DHX36: variants seen among roughly 807,000 people sequenced by gnomAD.
DHX36 encodes ATP-dependent DNA/RNA helicase DHX36.
A neutral mutation model predicts 139.0 loss-of-function variants in DHX36; 50 were observed. That is an observed-to-expected ratio of 0.36 (90% CI 0.29 to 0.46). DHX36 has a LOEUF of 0.46. Among genes scored for constraint, DHX36 ranks in the 20% least tolerant of loss-of-function variants. The pLI, the probability that DHX36 is intolerant of heterozygous loss-of-function variation, is 1.00. For synonymous variants in DHX36, 425 were observed against 401.9 expected, an observed-to-expected ratio of 1.06 and a Z score of -0.69; for missense variants, 1,024 against 1,211.3, an observed-to-expected ratio of 0.85 and a Z score of 2.29.
At chr3:154,299,127 G>A (rs987191365) in intron 12 of DHX36, among the ~76,000 whole-genome samples, 1 of 151,936 alleles carries the variant, frequency 6.6e-6, no homozygotes, top group Non-Finnish European at 1.5e-5. Context: ...CAGAAAGTCA[G>A]CCGGGCATGG....
At chr3:154,300,743 T>G in intron 10 of DHX36, 47 bp from the exon 11 acceptor site, 5 of 1,495,728 alleles carry the variant, frequency 3.3e-6, no homozygotes, top group Non-Finnish European at 4.6e-6. Flanking sequence ...TCAAGTTTTC[T>G]GTTAACTTGC....
chr3:154,303,300 A>T lies in DHX36; in HGVS notation c.1217+29T>A, dbSNP rs1400802449. 7 of 1,477,520 alleles carry T rather than the reference A, an allele frequency of 4.7e-6. No homozygotes were observed. The African/African-American group carries it at 8.4e-5, about 18-fold the overall frequency. The allele number at this position is 1,477,520 out of a possible 1,614,324, so 91.5% of individuals were successfully genotyped here. A position where few individuals can be genotyped will look rare whatever the true frequency, so the allele number is the denominator to read the frequency against. On this transcript the variant is annotated intron_variant, in intron 9 of 24. Transcript: ENST00000496811. ...AAAAGTGATATATTAGTACTTTTTA[A>T]TGTTTTTTATTTCCTAATGTTTACT...
In DHX36 at chr3:154,283,234, T is replaced by C; in HGVS notation, c.2330A>G (p.Glu777Gly). ...AAAATATTCCCAGCAATAGTCCTTT[T>C]CGTATCTGAAACCACGTCGCCTAGC... is the stretch of plus-strand genomic sequence containing the variant. ...EEARRRGFRY[E>G]KDYCWEYFLS... The change falls in exon 20 of 25, where the codon GAA becomes GGA. Residue 777 changes from glutamate (E) to glycine (G), a missense_variant. Transcript: ENST00000496811. 1 of 1,613,928 alleles carries C rather than the reference T, an allele frequency of 6.2e-7. No individual in the cohort carries two copies. Among genetic ancestry groups the C allele is most frequent in the Non-Finnish European group, 8.5e-7 (1 of 1,179,842 alleles).
At chr3:154,307,603 A>C (rs1222346291) in intron 5 of DHX36, among the ~76,000 whole-genome samples, 1 of 152,174 alleles carries the variant, frequency 6.6e-6, no homozygotes, top group Non-Finnish European at 1.5e-5. Flanking sequence ...ACTATTAAAG[A>C]GTCAAAAAAT....
chr3:154,300,960 T>C, intron 10 of DHX36, 27 bp downstream of exon 10: 1 of 1,606,272 alleles, frequency 6.2e-7, no homozygotes. Context: ...GCCACTGATT[T>C]CTCACCTTCA....
intron 17 of DHX36, among the ~76,000 whole-genome samples, chr3:154,287,150 T>A (rs1711572784): frequency 6.6e-6 from 1 of 152,194 alleles, no homozygotes; most frequent in East Asian, 1.9e-4. Flanking sequence ...CAAAAAGAGA[T>A]GAACTTTTCT....
chr3:154,277,749 A>C, intron 22 of DHX36, 31 bp from the exon 23 acceptor site: 1 of 1,568,960 alleles, frequency 6.4e-7, no homozygotes. Context: ...CAGTTTGTTA[A>C]AAAGAAGTCT....
chr3:154,285,879 A>C (rs1711534016), intron 17 of DHX36, among the ~76,000 whole-genome samples: 1 of 152,056 alleles, frequency 6.6e-6, no homozygotes, highest in Non-Finnish European at 1.5e-5. Context: ...CTGAACCTAG[A>C]ATAGCTTGAT....
intron 6 of DHX36, 141 bp downstream of exon 6, chr3:154,306,075 C>A: frequency 1.8e-6 from 1 of 570,388 alleles, no homozygotes; most frequent in South Asian, 2.7e-5. Context: ...GGCAGCAAGT[C>A]ATCTACGCTG....
chr3:154,302,359 T>TATA (rs1394097092), intron 9 of DHX36, among the ~76,000 whole-genome samples: 1 of 152,196 alleles, frequency 6.6e-6, no homozygotes, highest in African/African-American at 2.4e-5. Flanking sequence ...CTTTTTGATT[T>TATA]ATAGGTCAGA....
At position 154,324,219 on chromosome 3, in the gene DHX36, G is replaced by A. The variant is rs768430470; in HGVS notation, c.198C>T (p.Tyr66=). 1.2e-6 allele frequency: 2 copies of A among 1,613,012 alleles called. No individual in the cohort carries two copies. Among genetic ancestry groups the A allele is most frequent in the Non-Finnish European group, 8.5e-7 (1 of 1,179,460 alleles). Residue 66 remains tyrosine, a synonymous_variant, in exon 1 of 25, where the codon TAC becomes TAT. Transcript: ENST00000496811. Reference sequence around the variant, plus strand: ...TGTTCTTCTGCCCCTGTTTTTTCGCGTACCACATGCCGATTTCGCGGCCTT... The same window carrying A: ...TGTTCTTCTGCCCCTGTTTTTTCGCATACCACATGCCGATTTCGCGGCCTT... ...HLKGREIGMW[Y]AKKQGQKNKE...
chr3:154,301,019 A>G lies in DHX36; in HGVS notation c.1326T>C (p.Arg442=), dbSNP rs144592452. The change falls in exon 10 of 25, where the codon CGT becomes CGC. Residue 442 remains arginine (R), a synonymous_variant. Coordinates refer to ENST00000496811, the MANE Select transcript of DHX36 (RefSeq NM_020865.3). ...GCAGTTCCCTTACATAATCTGGCCAACGTTCTTTATATATTGCTTCTTTTT... is the reference window on the plus strand; with the variant it reads ...GCAGTTCCCTTACATAATCTGGCCAGCGTTCTTTATATATTGCTTCTTTTT... ...KEEKEAIYKE[R]WPDYVRELRR... 1.8e-4 allele frequency: 286 copies of G among 1,613,332 alleles called. 2 individuals are homozygous for G. In the African/African-American group the frequency reaches 3.3e-3, roughly 19 times the overall value.
intron 12 of DHX36, among the ~76,000 whole-genome samples, chr3:154,299,464 A>G (rs1465477247): frequency 6.6e-6 from 1 of 152,186 alleles, no homozygotes; most frequent in Non-Finnish European, 1.5e-5. Flanking sequence ...GGAATTTTTA[A>G]CAACTTCAGA....
intron 11 of DHX36, among the ~76,000 whole-genome samples, chr3:154,300,149 G>C (rs1297408343): frequency 6.6e-6 from 1 of 151,988 alleles, no homozygotes; most frequent in African/African-American, 2.4e-5. Context: ...GATCACTGCA[G>C]CATCTGCCTC....
In DHX36 at chr3:154,315,248, G is replaced by C; in HGVS notation, c.401C>G (p.Pro134Arg). 1 of 1,612,794 alleles carries C rather than the reference G, an allele frequency of 6.2e-7. No homozygotes were observed. The highest frequency in any genetic ancestry group is 8.5e-7 in the Non-Finnish European group (1 of 1,179,516). The change falls in exon 3 of 25, where the codon CCA becomes CGA. Residue 134 changes from proline (P) to arginine (R), a missense_variant. Physicochemically the swap from Pro to Arg is moderately radical, Grantham distance 103. This residue lies in a region of DHX36 where 293 missense variants were observed against 274.4 expected (regional missense o/e 1.07). Transcript: ENST00000496811. ...GATGTCAAGTTTGTTCTCTGAGCAT[G>C]GTGTGTTCTTAGTAGAAACTTCAGT... ...YGTEVSTKNT[P>R]CSENKLDIQE...
At chr3:154,318,024 G>A (rs1256413517) in intron 1 of DHX36, among the ~76,000 whole-genome samples, 1 of 152,116 alleles carries the variant, frequency 6.6e-6, no homozygotes, top group Non-Finnish European at 1.5e-5. Flanking sequence ...AAAACCCAGG[G>A]TGGGTAGAGG....
At chr3:154,302,310 T>C (rs1184282969) in intron 9 of DHX36, among the ~76,000 whole-genome samples, 1 of 152,190 alleles carries the variant, frequency 6.6e-6, no homozygotes, top group Non-Finnish European at 1.5e-5. Context: ...TGTAAAACAG[T>C]TGCCATACCC....
At chr3:154,277,949 T>C (rs1274824374) in intron 22 of DHX36, 1 of 329,178 alleles carries the variant, frequency 3.0e-6, no homozygotes, top group Non-Finnish European at 5.5e-6. Flanking sequence ...TCAGTATGAA[T>C]AATTTAAATC....
intron 22 of DHX36, chr3:154,279,526 T>C (rs1719266351): frequency 6.6e-6 from 1 of 152,208 alleles, no homozygotes; most frequent in South Asian, 2.1e-4. Flanking sequence ...TCACTTAAAA[T>C]GTGAATAATC....
Sources: gnomAD v4.1 joint callset for allele counts (sites outside exome capture counted in the v4.1 genomes callset) on GRCh38, gnomAD v4.1.1 for gene constraint, gnomAD v4.1.1 regional missense constraint, MANE v1.5 for transcripts, NCBI Gene and HGNC (gene_info 2026-07-23, HGNC 2026-07-21) for gene names.